The following AFTPH variants were observed in gnomAD, a reference collection of about 807,000 sequenced individuals.
AFTPH encodes the protein aftiphilin.
Under a neutral mutation model 72.5 loss-of-function variants are expected in AFTPH, and 7 were observed. The ratio of observed to expected loss-of-function variants is 0.10; its 90% CI spans 0.05 to 0.18. The LOEUF (loss-of-function observed/expected upper bound fraction) is 0.18, where lower values mean the gene tolerates loss of function less well. Among genes scored for constraint, AFTPH ranks in the 10% least tolerant of loss-of-function variants. AFTPH has a pLI of 1.00. For missense variants in AFTPH, 979 were observed against 1,060.5 expected (o/e 0.92, Z 1.07); for synonymous variants, 337 against 370.1 (o/e 0.91, Z 1.03).
intron 3 of AFTPH, among the ~76,000 whole-genome samples, chr2:64,568,287 G>A (rs1261711531): frequency 7.8e-6 from 1 of 127,446 alleles, no homozygotes; most frequent in Non-Finnish European, 1.6e-5. Context: ...TTATAATCAC[G>A]TATGTATTGT....
chr2:64,560,946 T>C (rs187259953), intron 2 of AFTPH, among the ~76,000 whole-genome samples: 14 of 152,326 alleles, frequency 9.2e-5, no homozygotes, highest in African/African-American at 3.1e-4. Flanking sequence ...GTTCTGGCTC[T>C]TGTTAGTATA....
In AFTPH at chr2:64,524,628, C is replaced by G; in HGVS notation, c.-33+16C>G. 2.5e-6 allele frequency: 1 copy of G among 397,782 alleles called. No homozygotes were observed. The highest frequency in any genetic ancestry group is 4.4e-6 in the Non-Finnish European group (1 of 225,764). 24.6% of individuals were successfully genotyped at this position (397,782 alleles called of 1,614,324 possible). ...AAGGAGCCAGGTAAGCGCCGCCGCT[C>G]CGCTCCCCTAGCTGCGCCGGGGAAA... On this transcript the variant is annotated intron_variant, in intron 1 of 8. Transcript: ENST00000238856.
At chr2:64,587,679 G>A (rs1356554546) in intron 8 of AFTPH, among the ~76,000 whole-genome samples, 1 of 152,200 alleles carries the variant, frequency 6.6e-6, no homozygotes, top group Admixed American at 6.5e-5. Flanking sequence ...ACAATATCCA[G>A]TACTCTTTAC....
intron 5 of AFTPH, 130 bp downstream of exon 5, chr2:64,569,809 A>C: frequency 1.5e-6 from 1 of 680,658 alleles, no homozygotes; most frequent in South Asian, 2.1e-5. Flanking sequence ...GTATAAATAG[A>C]TCTTTTTTGA....
Position 64,575,351 on chromosome 2 carries a change from C to G in AFTPH, c.2394+2283C>G, listed in dbSNP as rs958987712. ...AGGTTAAAATATTTAACAGAGCAGG[C>G]TTGGTGGCTCATGCCTGTAATCTCA... is the stretch of plus-strand genomic sequence containing the variant. On this transcript the variant is annotated intron_variant, in intron 6 of 8. Coordinates refer to ENST00000238856, the Ensembl canonical transcript of AFTPH. Among the ~76,000 whole-genome samples, 3 of 152,204 alleles carry G rather than the reference C, an allele frequency of 2.0e-5. 1 individual carries two copies. The highest frequency in any genetic ancestry group is 1.3e-4 in the Admixed American group (2 of 15,290).
At chr2:64,524,431 G>A (rs1021271276) in exon 1 of AFTPH, 77 of 403,662 alleles carry the variant, frequency 1.9e-4, no homozygotes, top group Middle Eastern at 6.1e-4. Flanking sequence ...TGGGATGGGG[G>A]TCCCGCGGCA....
At chr2:64,580,946 T>C in intron 7 of AFTPH, 1 of 284,840 alleles carries the variant, frequency 3.5e-6, no homozygotes, top group Non-Finnish European at 6.6e-6. Context: ...TACTAAGTGT[T>C]ACATTCTTTA....
intron 1 of AFTPH, among the ~76,000 whole-genome samples, chr2:64,532,282 G>T (rs1669669493): frequency 6.6e-6 from 1 of 152,034 alleles, no homozygotes; most frequent in African/African-American, 2.4e-5. Context: ...AAACAATAAG[G>T]GAAAGGAGGA....
intron 1 of AFTPH, among the ~76,000 whole-genome samples, chr2:64,545,080 G>C (rs1268108908): frequency 6.6e-6 from 1 of 152,050 alleles, no homozygotes. Context: ...TCTGAGTTTG[G>C]AATAGGTTGT....
At chr2:64,587,665 C>A (rs1673593966) in intron 8 of AFTPH, among the ~76,000 whole-genome samples, 1 of 152,156 alleles carries the variant, frequency 6.6e-6, no homozygotes, top group African/African-American at 2.4e-5. Flanking sequence ...TTGACATGGA[C>A]CAAACAATAT....
chr2:64,551,400 T>C lies in AFTPH; in HGVS notation c.-32-43T>C, dbSNP rs922271099. On this transcript the variant is annotated intron_variant, in intron 1 of 8. Coordinates refer to ENST00000238856, the Ensembl canonical transcript of AFTPH. ...GAGAATTTTGAAAGATCTTGTTCTA[T>C]GTAATCTGTCCCCTCCAAAAATTCT... is the stretch of plus-strand genomic sequence containing the variant. The C allele has an allele frequency of 4.9e-6, 7 of 1,432,316 alleles. No homozygotes were observed. In the African/African-American group the frequency reaches 8.6e-5, roughly 18 times the overall value. The allele number at this position is 1,432,316 out of a possible 1,614,324, so 88.7% of individuals were successfully genotyped here. A position where few individuals can be genotyped will look rare whatever the true frequency, so the allele number is the denominator to read the frequency against.
intron 7 of AFTPH, 96 bp from the exon 9 acceptor site, chr2:64,585,326 G>C: frequency 1.4e-6 from 2 of 1,430,640 alleles, no homozygotes; most frequent in Non-Finnish European, 1.9e-6. Flanking sequence ...AAAACACTCA[G>C]ATGTTTACAG....
At chr2:64,531,117 C>T (rs1019464433) in intron 1 of AFTPH, among the ~76,000 whole-genome samples, 1 of 148,668 alleles carries the variant, frequency 6.7e-6, no homozygotes, top group Admixed American at 6.7e-5. Flanking sequence ...TTTTTAATGA[C>T]TGTGTAGAAT....
intron 8 of AFTPH, among the ~76,000 whole-genome samples, chr2:64,586,460 TA>T (rs1393551363): frequency 2.0e-5 from 3 of 152,236 alleles, no homozygotes; most frequent in African/African-American, 4.8e-5. Context: ...GACATCCATT[TA>T]AAAAAGCCTT....
chr2:64,525,595 A>G (rs1252472374), intron 1 of AFTPH: 1 of 153,948 alleles, frequency 6.5e-6, no homozygotes, highest in Non-Finnish European at 1.5e-5. Flanking sequence ...TATTCCGAGG[A>G]TTTTATTTGG....
At chr2:64,534,246 A>G (rs1023508322) in intron 1 of AFTPH, among the ~76,000 whole-genome samples, 2 of 152,006 alleles carry the variant, frequency 1.3e-5, no homozygotes, top group Admixed American at 1.3e-4. Context: ...GCATTGATTT[A>G]TTTTCTTAAG....
intron 8 of AFTPH, among the ~76,000 whole-genome samples, chr2:64,590,805 G>T (rs1011718682): frequency 1.2e-4 from 19 of 152,174 alleles, no homozygotes; most frequent in Non-Finnish European, 1.0e-4. Context: ...ATTCAAAGTG[G>T]TAACAGAAAA....
At chr2:64,584,615 G>A (rs75322524) in intron 7 of AFTPH, among the ~76,000 whole-genome samples, 2 of 26,172 alleles carry the variant, frequency 7.6e-5, no homozygotes, top group Non-Finnish European at 1.4e-4. Flanking sequence ...TTTTTTTTTT[G>A]AGACGCAGTC....
chr2:64,534,826 A>T (rs1669802743), intron 1 of AFTPH, among the ~76,000 whole-genome samples: 1 of 151,888 alleles, frequency 6.6e-6, no homozygotes, highest in Non-Finnish European at 1.5e-5. Flanking sequence ...TAAACAAATG[A>T]TTTCATAAAC....
Sources: gnomAD v4.1 joint callset for allele counts (sites outside exome capture counted in the v4.1 genomes callset) on GRCh38, gnomAD v4.1.1 for gene constraint, MANE v1.5 for transcripts, NCBI Gene and HGNC (gene_info 2026-07-23, HGNC 2026-07-21) for gene names.